The following HMGCLL1 variants were observed in gnomAD, a reference collection of about 807,000 sequenced individuals.
HMGCLL1 encodes 3-hydroxy-3-methylglutaryl-CoA lyase like 1.
HMGCLL1 carries 36 observed loss-of-function variants against 39.1 expected under a neutral mutation model. The ratio of observed to expected loss-of-function variants is 0.92; its 90% CI spans 0.71 to 1.22. The LOEUF is 1.22. HMGCLL1 is among the 50% of genes most tolerant of loss of function. The pLI, the probability that HMGCLL1 is intolerant of heterozygous loss-of-function variation, is 0.00. For synonymous variants in HMGCLL1, 149 were observed against 144.0 expected, an observed-to-expected ratio of 1.03 and a Z score of -0.25; for missense variants, 451 against 416.5, an observed-to-expected ratio of 1.08 and a Z score of -0.72.
the HMGCLL1 span, among the ~76,000 whole-genome samples, chr6:55,666,305 C>T: frequency 2.9e-4 from 44 of 151,792 alleles, no homozygotes; most frequent in East Asian, 8.6e-3. Context: ...CAAGAATTAA[C>T]CCACAGGGTA....
chr6:55,665,943 T>C, the HMGCLL1 span, among the ~76,000 whole-genome samples: 1 of 151,752 alleles, frequency 6.6e-6, no homozygotes, highest in African/African-American at 2.4e-5. Flanking sequence ...TTATTAGTTA[T>C]ACAACTGAAA....
At chr6:55,439,334 G>A (rs373999143) in intron 8 of HMGCLL1, 100 bp downstream of exon 8, 2 of 1,202,906 alleles carry the variant, frequency 1.7e-6, no homozygotes, top group East Asian at 2.4e-5. Context: ...CAAAAGTGTA[G>A]TAAAACTTTG....
At chr6:55,632,234 A>G in the HMGCLL1 span, among the ~76,000 whole-genome samples, 1 of 152,056 alleles carries the variant, frequency 6.6e-6, no homozygotes. Context: ...TAGTAAAAGC[A>G]TACAATAATA....
At chr6:55,659,334 T>A in the HMGCLL1 span, among the ~76,000 whole-genome samples, 1 of 151,938 alleles carries the variant, frequency 6.6e-6, no homozygotes, top group Non-Finnish European at 1.5e-5. Context: ...CTAAAATCAT[T>A]TATAACTTCA....
At chr6:55,564,053 G>A (rs893518725) in intron 1 of HMGCLL1, 22 of 419,764 alleles carry the variant, frequency 5.2e-5, no homozygotes, top group Non-Finnish European at 3.3e-5. Flanking sequence ...TGCATTCAGT[G>A]ATAGCATAAA....
chr6:55,452,704 TG>T (rs1764153258), intron 7 of HMGCLL1, among the ~76,000 whole-genome samples: 1 of 152,212 alleles, frequency 6.6e-6, no homozygotes, highest in African/African-American at 2.4e-5. Flanking sequence ...GTTCTTGACT[TG>T]TGTGCATAAT....
At chr6:55,577,280 T>A in intron 1 of HMGCLL1, 1 of 1,390,636 alleles carries the variant, frequency 7.2e-7, no homozygotes, top group Non-Finnish European at 9.7e-7. Flanking sequence ...AAAACAGAAT[T>A]ATTTTTAAAA....
intron 5 of HMGCLL1, among the ~76,000 whole-genome samples, chr6:55,502,584 G>A (rs1367064140): frequency 1.3e-5 from 2 of 151,520 alleles, no homozygotes; most frequent in Admixed American, 6.6e-5. Context: ...ATAATCTGTT[G>A]TTCCCTTTGG....
At chr6:55,489,462 A>G (rs1766204488) in intron 7 of HMGCLL1, among the ~76,000 whole-genome samples, 2 of 151,946 alleles carry the variant, frequency 1.3e-5, no homozygotes, top group African/African-American at 4.8e-5. Context: ...ATAAAAGCCA[A>G]ATTTAAGCCC....
the HMGCLL1 span, among the ~76,000 whole-genome samples, chr6:55,630,403 G>A: frequency 1.5e-4 from 23 of 151,998 alleles, no homozygotes; most frequent in Admixed American, 2.0e-4. Flanking sequence ...ACTTGCTTTT[G>A]ACTTTACAGG....
At chr6:55,532,904 T>C (rs1292673137) in intron 3 of HMGCLL1, among the ~76,000 whole-genome samples, 1 of 150,672 alleles carries the variant, frequency 6.6e-6, no homozygotes, top group Non-Finnish European at 1.5e-5. Context: ...ATATTCTTTT[T>C]TTGAGCGAGA....
At chr6:55,626,540 G>A in the HMGCLL1 span, among the ~76,000 whole-genome samples, 2 of 152,074 alleles carry the variant, frequency 1.3e-5, no homozygotes, top group African/African-American at 4.8e-5. Flanking sequence ...CTCTGATTCA[G>A]CATCCAATAT....
At chr6:55,464,067 T>A (rs2127398412) in intron 7 of HMGCLL1, among the ~76,000 whole-genome samples, 1 of 152,310 alleles carries the variant, frequency 6.6e-6, no homozygotes, top group South Asian at 2.1e-4. Context: ...TGTAGAATTA[T>A]CTAGAATTAA....
the HMGCLL1 span, among the ~76,000 whole-genome samples, chr6:55,649,648 A>G: frequency 6.6e-6 from 1 of 151,890 alleles, no homozygotes; most frequent in Admixed American, 6.6e-5. Flanking sequence ...GTTGTCTGAT[A>G]TTATCCGTTT....
intron 7 of HMGCLL1, among the ~76,000 whole-genome samples, chr6:55,448,723 T>C (rs1561886455): frequency 1.3e-5 from 2 of 152,130 alleles, no homozygotes; most frequent in Non-Finnish European, 2.9e-5. Flanking sequence ...ATCCACATTC[T>C]CTAACATCTT....
chr6:55,438,643 A>T (rs1763466657), intron 8 of HMGCLL1, among the ~76,000 whole-genome samples: 1 of 152,098 alleles, frequency 6.6e-6, no homozygotes, highest in South Asian at 2.1e-4. Flanking sequence ...AATGGTACAG[A>T]ACTGTAGACT....
chr6:55,591,613 T>A, the HMGCLL1 span, among the ~76,000 whole-genome samples: 1 of 151,810 alleles, frequency 6.6e-6, no homozygotes, highest in Non-Finnish European at 1.5e-5. Flanking sequence ...CGTTAATACA[T>A]TTTCCCACAT....
intron 1 of HMGCLL1, among the ~76,000 whole-genome samples, chr6:55,551,416 C>T (rs1204456676): frequency 6.6e-6 from 1 of 151,812 alleles, no homozygotes; most frequent in Non-Finnish European, 1.5e-5. Flanking sequence ...GGCCTTACTG[C>T]ATCTTAGTTC....
At chr6:55,611,209 C>T in the HMGCLL1 span, among the ~76,000 whole-genome samples, 6 of 152,114 alleles carry the variant, frequency 3.9e-5, no homozygotes, top group African/African-American at 9.7e-5. Context: ...TCTTTGAAAA[C>T]AATGAGAACA....
Sources: gnomAD v4.1 joint callset for allele counts (sites outside exome capture counted in the v4.1 genomes callset) on GRCh38, gnomAD v4.1.1 for gene constraint, MANE v1.5 for transcripts, NCBI Gene and HGNC (gene_info 2026-07-23, HGNC 2026-07-21) for gene names.